Variants in NXPE2 observed in about 807,000 individuals in gnomAD.
The protein encoded by NXPE2 is neurexophilin and PC-esterase domain family member 2.
Under a neutral mutation model 34.4 loss-of-function variants are expected in NXPE2, and 34 were observed. The observed-to-expected ratio is 0.99, with a 90% confidence interval of 0.75 to 1.31. The LOEUF (loss-of-function observed/expected upper bound fraction) is 1.31. Among genes scored for constraint, NXPE2 ranks in the 40% most tolerant of loss-of-function variants. NXPE2 has a pLI of 0.00. For synonymous variants in NXPE2, 235 were observed against 231.3 expected, an observed-to-expected ratio of 1.02 and a Z score of -0.15; for missense variants, 649 against 672.5, an observed-to-expected ratio of 0.97 and a Z score of 0.39.
the NXPE2 span, among the ~76,000 whole-genome samples, chr11:114,632,402 CATATAT>C: frequency 1.6e-5 from 2 of 128,080 alleles, no homozygotes; most frequent in African/African-American, 5.7e-5. Flanking sequence ...TATAAATATA[CATATAT>C]AATTTTATAT....
chr11:114,631,175 A>G, the NXPE2 span, among the ~76,000 whole-genome samples: 1 of 152,076 alleles, frequency 6.6e-6, no homozygotes, highest in African/African-American at 2.4e-5. Flanking sequence ...ATTACTGGGT[A>G]TATACCCAAA....
the NXPE2 span, among the ~76,000 whole-genome samples, chr11:114,645,869 G>A: frequency 6.6e-6 from 1 of 152,224 alleles, no homozygotes; most frequent in African/African-American, 2.4e-5. Flanking sequence ...ATTATAATTT[G>A]TTGATAAGTA....
the NXPE2 span, among the ~76,000 whole-genome samples, chr11:114,565,493 A>G: frequency 6.6e-6 from 1 of 152,242 alleles, no homozygotes; most frequent in Admixed American, 6.5e-5. Context: ...CTGTTAGAGA[A>G]CCTAGAGTTT....
the NXPE2 span, among the ~76,000 whole-genome samples, chr11:114,627,748 C>T: frequency 2.6e-5 from 4 of 152,102 alleles, no homozygotes; most frequent in Non-Finnish European, 5.9e-5. Context: ...AGTCAAGACC[C>T]ATCAGTGTGC....
the NXPE2 span, among the ~76,000 whole-genome samples, chr11:114,771,172 G>A: frequency 6.6e-6 from 1 of 151,616 alleles, no homozygotes. Context: ...ACCCACCTTT[G>A]GGAATGGGTC....
At chr11:114,688,047 T>C (rs923665975) in intron 2 of NXPE2, among the ~76,000 whole-genome samples, 2 of 152,092 alleles carry the variant, frequency 1.3e-5, no homozygotes, top group Non-Finnish European at 2.9e-5. Context: ...AGAGAGATAA[T>C]TTGACTTCAT....
chr11:114,785,008 T>C, the NXPE2 span, among the ~76,000 whole-genome samples: 1 of 151,868 alleles, frequency 6.6e-6, no homozygotes, highest in African/African-American at 2.4e-5. Flanking sequence ...TGACCAGTCT[T>C]ATTTAGCTCC....
the NXPE2 span, among the ~76,000 whole-genome samples, chr11:114,602,055 T>C: frequency 1.1e-5 from 1 of 92,280 alleles, no homozygotes; most frequent in Non-Finnish European, 1.9e-5. Context: ...TATTATATTA[T>C]ATATATTATA....
intron 2 of NXPE2, among the ~76,000 whole-genome samples, chr11:114,690,810 G>C (rs1361351513): frequency 6.6e-6 from 1 of 151,830 alleles, no homozygotes; most frequent in African/African-American, 2.4e-5. Context: ...TTTTGTCTGA[G>C]TGGTTCATTG....
chr11:114,786,047 G>A, the NXPE2 span, among the ~76,000 whole-genome samples: 27 of 152,156 alleles, frequency 1.8e-4, no homozygotes, highest in Admixed American at 1.8e-3. Context: ...AATGAAGGTG[G>A]GCCTGCTTGT....
At chr11:114,598,426 G>A in the NXPE2 span, among the ~76,000 whole-genome samples, 1 of 152,224 alleles carries the variant, frequency 6.6e-6, no homozygotes, top group Non-Finnish European at 1.5e-5. Context: ...CTGTGTGGGG[G>A]CTCCAGCCCC....
chr11:114,794,081 A>G, the NXPE2 span, among the ~76,000 whole-genome samples: 2 of 152,038 alleles, frequency 1.3e-5, no homozygotes, highest in Admixed American at 1.3e-4. Flanking sequence ...CCCCCCATAC[A>G]TGTGCCAGAC....
the NXPE2 span, among the ~76,000 whole-genome samples, chr11:114,487,999 C>T: frequency 6.6e-6 from 1 of 152,004 alleles, no homozygotes; most frequent in Non-Finnish European, 1.5e-5. Context: ...GTTTTGGTGT[C>T]AGAGTAAAAC....
downstream of NXPE2, among the ~76,000 whole-genome samples, chr11:114,710,360 A>G (rs962654151): frequency 6.6e-5 from 10 of 152,222 alleles, no homozygotes; most frequent in African/African-American, 2.2e-4. Context: ...AGCTAGACTA[A>G]GAAAAATAGA....
At chr11:114,733,192 A>G in the NXPE2 span, among the ~76,000 whole-genome samples, 5 of 152,050 alleles carry the variant, frequency 3.3e-5, no homozygotes, top group Admixed American at 6.5e-5. Flanking sequence ...CGCCTCCCGG[A>G]TTCACGCCAT....
chr11:114,735,416 T>A, the NXPE2 span, among the ~76,000 whole-genome samples: 1 of 152,192 alleles, frequency 6.6e-6, no homozygotes, highest in Admixed American at 6.5e-5. Flanking sequence ...CAGGTTTAGA[T>A]CTCAAATCTA....
the NXPE2 span, among the ~76,000 whole-genome samples, chr11:114,649,908 T>C: frequency 6.6e-6 from 1 of 152,336 alleles, no homozygotes; most frequent in Admixed American, 6.5e-5. Flanking sequence ...GGTTGGTAAA[T>C]GCGTGCAGTT....
the NXPE2 span, among the ~76,000 whole-genome samples, chr11:114,794,158 CA>C: frequency 1.3e-5 from 2 of 152,264 alleles, no homozygotes; most frequent in South Asian, 2.1e-4. Context: ...ATCTTCAGAA[CA>C]AAGTTCACAC....
chr11:114,547,160 T>C, the NXPE2 span, among the ~76,000 whole-genome samples: 3 of 152,260 alleles, frequency 2.0e-5, no homozygotes, highest in South Asian at 2.1e-4. Context: ...AAGAGTAATC[T>C]TACTGTGGAG....
Sources: allele counts gnomAD v4.1 joint callset (sites outside exome capture counted in the v4.1 genomes callset), GRCh38; gene constraint gnomAD v4.1.1; transcripts MANE v1.5; gene names NCBI Gene and HGNC (gene_info 2026-07-23, HGNC 2026-07-21).